The following NEGR1 variants were observed in gnomAD, a reference collection of about 807,000 sequenced individuals.
NEGR1 encodes the protein neuronal growth regulator 1.
Under a neutral mutation model 40.9 loss-of-function variants are expected in NEGR1, and 10 were observed. The observed-to-expected ratio is 0.24, with a 90% CI of 0.15 to 0.42. The LOEUF is 0.42. Among genes scored for constraint, NEGR1 ranks in the 10% least tolerant of loss-of-function variants. The pLI is 1.00. For missense variants in NEGR1, 352 were observed against 438.9 expected (o/e 0.80, Z 1.77); for synonymous variants, 185 against 166.8 (o/e 1.11, Z -0.84).
chr1:71,991,649 C>T (rs755364972), intron 1 of NEGR1, among the ~76,000 whole-genome samples: 80 of 151,582 alleles, frequency 5.3e-4, no homozygotes, highest in Non-Finnish European at 9.0e-4. Context: ...TAACTGATAT[C>T]TGCTTACCTA....
chr1:71,572,144 G>C (rs1024727134), intron 6 of NEGR1, among the ~76,000 whole-genome samples: 2 of 152,108 alleles, frequency 1.3e-5, no homozygotes, highest in Non-Finnish European at 2.9e-5. Context: ...TTATTCATTA[G>C]AGTTTAAAAC....
chr1:72,262,168 C>T (rs185572989), intron 1 of NEGR1, among the ~76,000 whole-genome samples: 6 of 151,998 alleles, frequency 3.9e-5, no homozygotes, highest in East Asian at 1.9e-4. Flanking sequence ...ACCTTTTACT[C>T]GGAAACGTGA....
At chr1:72,180,528 G>A (rs1443412932) in intron 1 of NEGR1, among the ~76,000 whole-genome samples, 2 of 151,774 alleles carry the variant, frequency 1.3e-5, no homozygotes, top group Non-Finnish European at 2.9e-5. Flanking sequence ...ATGAAACAGA[G>A]GTATGGATTG....
intron 3 of NEGR1, among the ~76,000 whole-genome samples, chr1:71,763,394 C>T (rs1357994355): frequency 6.6e-6 from 1 of 151,976 alleles, no homozygotes; most frequent in Non-Finnish European, 1.5e-5. Flanking sequence ...ATCTTCATGC[C>T]CCATTGGGAA....
chr1:71,606,737 C>T (rs2101537567), intron 5 of NEGR1, among the ~76,000 whole-genome samples: 1 of 148,278 alleles, frequency 6.7e-6, no homozygotes. Flanking sequence ...TTCAAAGAAA[C>T]TGGAAAGTGT....
At chr1:71,797,762 T>C (rs1657392162) in intron 2 of NEGR1, among the ~76,000 whole-genome samples, 1 of 152,170 alleles carries the variant, frequency 6.6e-6, no homozygotes, top group Non-Finnish European at 1.5e-5. Flanking sequence ...TTTATTTAGT[T>C]GTCTTTGTTT....
At chr1:72,265,106 T>G (rs1481997567) in intron 1 of NEGR1, among the ~76,000 whole-genome samples, 5 of 151,048 alleles carry the variant, frequency 3.3e-5, no homozygotes, top group Admixed American at 3.3e-4. Flanking sequence ...TACTAATTTC[T>G]GTATACCTTA....
At chr1:72,009,937 T>G (rs545847411) in intron 1 of NEGR1, among the ~76,000 whole-genome samples, 1 of 149,564 alleles carries the variant, frequency 6.7e-6, no homozygotes, top group Admixed American at 6.7e-5. Context: ...AAAAAAAAAA[T>G]GTAGCTATTC....
intron 2 of NEGR1, among the ~76,000 whole-genome samples, chr1:71,852,558 C>T (rs1282660266): frequency 1.3e-5 from 2 of 152,030 alleles, no homozygotes; most frequent in African/African-American, 4.8e-5. Context: ...TATTACCGAC[C>T]TGGCCTTTTT....
At chr1:71,728,884 C>T (rs1654763227) in intron 3 of NEGR1, among the ~76,000 whole-genome samples, 1 of 152,088 alleles carries the variant, frequency 6.6e-6, no homozygotes, top group Non-Finnish European at 1.5e-5. Context: ...TGATGGTCCA[C>T]CTGGGAGAGG....
chr1:71,556,309 T>C (rs357205), intron 6 of NEGR1, among the ~76,000 whole-genome samples: 149,258 of 151,538 alleles, frequency 0.98, 73,536 homozygotes, highest in East Asian at 1. Context: ...CTAAAACAAT[T>C]GGTTCATTAG....
intron 2 of NEGR1, among the ~76,000 whole-genome samples, chr1:71,815,138 G>A (rs747887741): frequency 5.9e-5 from 9 of 151,958 alleles, no homozygotes; most frequent in Non-Finnish European, 1.2e-4. Context: ...AGAACTTATT[G>A]ATTTCTGCCT....
intron 3 of NEGR1, among the ~76,000 whole-genome samples, chr1:71,766,389 T>C (rs1448928922): frequency 6.6e-6 from 1 of 152,206 alleles, no homozygotes; most frequent in Non-Finnish European, 1.5e-5. Context: ...TTAATGCCTA[T>C]GATAATTAAG....
intron 1 of NEGR1, among the ~76,000 whole-genome samples, chr1:72,243,392 A>T (rs892567961): frequency 2.6e-5 from 4 of 151,854 alleles, no homozygotes; most frequent in African/African-American, 9.7e-5. Context: ...TTGAGGATTA[A>T]ATAGTACATA....
chr1:71,677,075 C>T (rs1156355003), intron 4 of NEGR1, among the ~76,000 whole-genome samples: 2 of 152,140 alleles, frequency 1.3e-5, no homozygotes, highest in African/African-American at 4.8e-5. Flanking sequence ...GATATCTACT[C>T]TCTTGGTTTA....
chr1:72,061,277 C>T (rs1647168427), intron 1 of NEGR1, among the ~76,000 whole-genome samples: 1 of 151,854 alleles, frequency 6.6e-6, no homozygotes, highest in South Asian at 2.1e-4. Context: ...TAATTAACAT[C>T]TGACTGTATT....
chr1:71,896,647 T>C (rs1308705439), intron 2 of NEGR1, among the ~76,000 whole-genome samples: 1 of 152,214 alleles, frequency 6.6e-6, no homozygotes, highest in African/African-American at 2.4e-5. Flanking sequence ...CATACTCCTA[T>C]GTTTTCTTGT....
At chr1:71,774,691 A>G (rs1344667510) in intron 3 of NEGR1, among the ~76,000 whole-genome samples, 13 of 152,160 alleles carry the variant, frequency 8.5e-5, no homozygotes, top group Non-Finnish European at 1.2e-4. Flanking sequence ...TTTCACAAAA[A>G]AAAAATATGA....
chr1:71,871,468 G>A (rs1660275756), intron 2 of NEGR1, among the ~76,000 whole-genome samples: 3 of 152,016 alleles, frequency 2.0e-5, no homozygotes, highest in South Asian at 2.1e-4. Context: ...GAGTCATTTC[G>A]AGCCACTTTT....
Sources: gnomAD v4.1 joint callset for allele counts (sites outside exome capture counted in the v4.1 genomes callset) on GRCh38, gnomAD v4.1.1 for gene constraint, MANE v1.5 for transcripts, NCBI Gene and HGNC (gene_info 2026-07-23, HGNC 2026-07-21) for gene names.